The following RASSF8 variants were observed in gnomAD, a reference collection of about 807,000 sequenced individuals.
RASSF8 encodes the protein Ras association domain family member 8, also known as ras association domain-containing protein 8.
In RASSF8, 22 loss-of-function variants were observed where a neutral mutation model predicts 48.5. The observed-to-expected ratio is 0.45, with a 90% CI of 0.32 to 0.65. The LOEUF is 0.65. Among genes scored for constraint, RASSF8 ranks in the 30% least tolerant of loss-of-function variants. The probability of loss-of-function intolerance (pLI) is 0.03; values close to 1 mark genes in which losing one functional copy is unlikely to be tolerated. For synonymous variants in RASSF8, 127 were observed against 171.5 expected (o/e 0.74, Z 2.03); for missense variants, 418 against 489.2 (o/e 0.85, Z 1.37).
chr12:26,079,208 C>T (rs1367456601), exon 6 of RASSF8: 1 of 576,538 alleles, frequency 1.7e-6, no homozygotes, highest in Admixed American at 3.5e-5. Flanking sequence ...AAAATATTTG[C>T]AAACCGTTAT....
chr12:26,000,223 ATGT>A (rs1371438746), intron 2 of RASSF8, among the ~76,000 whole-genome samples: 3 of 152,220 alleles, frequency 2.0e-5, no homozygotes, highest in Admixed American at 2.0e-4. Context: ...GCTCAGAAGA[ATGT>A]TGTGTTGATA....
chr12:25,981,805 A>T (rs1314488396), intron 1 of RASSF8, among the ~76,000 whole-genome samples: 1 of 152,192 alleles, frequency 6.6e-6, no homozygotes, highest in Non-Finnish European at 1.5e-5. Context: ...ACTTGTCAGC[A>T]CTATCGAAAG....
chr12:26,027,897 G>T (rs1942949681), intron 2 of RASSF8, among the ~76,000 whole-genome samples: 1 of 152,128 alleles, frequency 6.6e-6, no homozygotes, highest in Non-Finnish European at 1.5e-5. Flanking sequence ...TGACCAGATG[G>T]GTGGGAGAAG....
intron 2 of RASSF8, among the ~76,000 whole-genome samples, chr12:26,003,351 T>C (rs1187687638): frequency 6.6e-6 from 1 of 152,204 alleles, no homozygotes; most frequent in Non-Finnish European, 1.5e-5. Flanking sequence ...TTGAGTTCAG[T>C]GGGCTCGTGT....
At chr12:26,036,797 G>A (rs922171183) in intron 2 of RASSF8, among the ~76,000 whole-genome samples, 1 of 151,824 alleles carries the variant, frequency 6.6e-6, no homozygotes, top group Non-Finnish European at 1.5e-5. Flanking sequence ...GGTGGCACAC[G>A]CCCAGCTATT....
At chr12:25,967,993 A>G (rs2019182796) in intron 1 of RASSF8, among the ~76,000 whole-genome samples, 1 of 152,208 alleles carries the variant, frequency 6.6e-6, no homozygotes, top group African/African-American at 2.4e-5. Flanking sequence ...TCCCGAATTC[A>G]GTCTCGCCTT....
At chr12:25,964,408 C>T (rs554167452) in intron 1 of RASSF8, among the ~76,000 whole-genome samples, 16 of 151,486 alleles carry the variant, frequency 1.1e-4, no homozygotes, top group African/African-American at 3.9e-4. Context: ...ATATGTTTTA[C>T]TCTTTGTTTT....
downstream of RASSF8, among the ~76,000 whole-genome samples, chr12:26,075,180 A>C (rs1250585460): frequency 1.3e-5 from 2 of 152,152 alleles, no homozygotes; most frequent in Non-Finnish European, 2.9e-5. Flanking sequence ...TATTCTAAGT[A>C]GACAATAAGA....
At chr12:26,072,910 A>C (rs79906133), downstream of RASSF8, 1 of 794,462 alleles carries the variant, frequency 1.3e-6, no homozygotes, top group Non-Finnish European at 1.5e-6. Flanking sequence ...TTATATTTTT[A>C]AATACAATTT....
chr12:26,026,906 G>A (rs1199523906), intron 2 of RASSF8, among the ~76,000 whole-genome samples: 1 of 152,120 alleles, frequency 6.6e-6, no homozygotes, highest in Non-Finnish European at 1.5e-5. Flanking sequence ...ACATACCCAA[G>A]TGAAGTTAAA....
intron 1 of RASSF8, among the ~76,000 whole-genome samples, chr12:25,968,550 G>A (rs1941411434): frequency 6.6e-6 from 1 of 151,898 alleles, no homozygotes; most frequent in South Asian, 2.1e-4. Flanking sequence ...TACCATGTTG[G>A]CCAGGCTGGT....
At chr12:26,037,867 A>G (rs1943185129) in intron 2 of RASSF8, among the ~76,000 whole-genome samples, 1 of 152,198 alleles carries the variant, frequency 6.6e-6, no homozygotes, top group Non-Finnish European at 1.5e-5. Flanking sequence ...GTCAGAGACT[A>G]AAGGAAAATT....
Position 26,069,756 on chromosome 12 carries a change from C to A in RASSF8, c.*938C>A, listed in dbSNP as rs557594672. 6.1e-6 allele frequency: 6 copies of A among 985,080 alleles called. No individual in the cohort carries two copies. The African/African-American group carries it at 1.0e-4, about 17-fold the overall frequency. 61.0% of individuals were successfully genotyped at this position (985,080 alleles called of 1,614,324 possible). A position where few individuals can be genotyped will look rare whatever the true frequency, so the allele number is the denominator to read the frequency against. ...TTAAGTGATGTATTTTAAAATAACCCGCTTCATATGTATGATCTGTTGGTG... is the reference window on the plus strand; with the variant it reads ...TTAAGTGATGTATTTTAAAATAACCAGCTTCATATGTATGATCTGTTGGTG... On this transcript the variant is annotated 3_prime_UTR_variant, in exon 6 of 6. Transcript: ENST00000689635.
chr12:25,980,311 ATCTAT>A (rs1376580499), intron 1 of RASSF8, among the ~76,000 whole-genome samples: 1 of 152,176 alleles, frequency 6.6e-6, no homozygotes, highest in African/African-American at 2.4e-5. Flanking sequence ...TCTTTCCGTA[ATCTAT>A]TCTAAGATAA....
At chr12:26,049,473 A>G (rs182805966) in intron 2 of RASSF8, among the ~76,000 whole-genome samples, 122 of 152,348 alleles carry the variant, frequency 8.0e-4, no homozygotes, top group African/African-American at 2.7e-3. Context: ...CAAATTGTTA[A>G]TTTAGAAATA....
At chr12:25,960,809 G>A (rs767783249) in intron 1 of RASSF8, among the ~76,000 whole-genome samples, 2 of 152,318 alleles carry the variant, frequency 1.3e-5, no homozygotes, top group South Asian at 2.1e-4. Context: ...AGGGCCCTGA[G>A]AGGGAGCAAA....
At position 26,068,779 on chromosome 12, in the gene RASSF8, T is replaced by C; in HGVS notation, c.1221T>C (p.Pro407=). The C allele has an allele frequency of 6.5e-7, 1 of 1,537,242 alleles. No individual in the cohort carries two copies. Among genetic ancestry groups the C allele is most frequent in the Non-Finnish European group, 8.7e-7 (1 of 1,146,856 alleles). Residue 407 remains proline (P), a synonymous_variant, in exon 6 of 6, where the codon CCT becomes CCC. Transcript: ENST00000689635. ...GTAATCTCCGCATTCTGCAGAATCC[T>C]ATCTCATCTGGTTTTAATCCTGAAG... ...LPSNLRILQN[P]ISSGFNPEGI... is the part of the protein sequence containing the mutation.
intron 2 of RASSF8, among the ~76,000 whole-genome samples, chr12:26,054,293 A>G (rs1943554403): frequency 6.6e-6 from 1 of 152,210 alleles, no homozygotes; most frequent in African/African-American, 2.4e-5. Flanking sequence ...TAACATTCTT[A>G]TCGATACAGG....
chr12:25,982,353 A>G (rs983139151), intron 1 of RASSF8, among the ~76,000 whole-genome samples: 1 of 152,238 alleles, frequency 6.6e-6, no homozygotes, highest in Non-Finnish European at 1.5e-5. Context: ...AGGAAACAAC[A>G]TAGTTCATAT....
Sources: allele counts gnomAD v4.1 joint callset (sites outside exome capture counted in the v4.1 genomes callset), GRCh38; gene constraint gnomAD v4.1.1; transcripts MANE v1.5; gene names NCBI Gene and HGNC (gene_info 2026-07-23, HGNC 2026-07-21).